Variants in KIAA1671 observed in about 807,000 individuals in gnomAD.
KIAA1671 encodes the protein KIAA1671.
A neutral mutation model predicts 131.2 loss-of-function variants in KIAA1671; 52 were observed. That is an observed-to-expected ratio of 0.40 (90% confidence interval 0.32 to 0.50). The LOEUF (loss-of-function observed/expected upper bound fraction) is 0.50. Among genes scored for constraint, KIAA1671 ranks in the 20% least tolerant of loss-of-function variants. The pLI, the probability that KIAA1671 is intolerant of heterozygous loss-of-function variation, is 0.73. For missense variants in KIAA1671, 2,360 were observed against 2,364.2 expected (o/e 1.00, Z 0.04); for synonymous variants, 1,003 against 961.6 (o/e 1.04, Z -0.80).
At chr22:25,014,762 T>C (rs1319800907) in intron 1 of KIAA1671, 1 of 152,142 alleles carries the variant, frequency 6.6e-6, no homozygotes, top group Non-Finnish European at 1.5e-5. Flanking sequence ...TCTGTCGTTA[T>C]CATGTGGAAC....
intron 6 of KIAA1671, among the ~76,000 whole-genome samples, chr22:25,123,554 A>G (rs1932045530): frequency 1.3e-5 from 2 of 151,958 alleles, no homozygotes; most frequent in South Asian, 2.1e-4. Context: ...TGGAGCTTTC[A>G]CTCTGGGGAA....
At chr22:25,149,008 G>T (rs1031931757) in intron 6 of KIAA1671, among the ~76,000 whole-genome samples, 2 of 152,084 alleles carry the variant, frequency 1.3e-5, no homozygotes, top group Non-Finnish European at 2.9e-5. Flanking sequence ...TCTTGGGCTT[G>T]GTGTCTCCTG....
chr22:25,130,083 T>A (rs1408072685), intron 6 of KIAA1671, among the ~76,000 whole-genome samples: 2 of 152,154 alleles, frequency 1.3e-5, no homozygotes, highest in Non-Finnish European at 2.9e-5. Context: ...TCTATAAAAA[T>A]TTTTTTAAAT....
At chr22:25,177,312 T>G (rs1934067488) in intron 8 of KIAA1671, 36 bp from the exon 9 acceptor site, 1 of 1,524,712 alleles carries the variant, frequency 6.6e-7, no homozygotes, top group African/African-American at 1.4e-5. Context: ...ATGGTTCCCT[T>G]GATTTTTTTC....
At chr22:25,052,728 A>ATTG in intron 6 of KIAA1671, 1 of 151,630 alleles carries the variant, frequency 6.6e-6, no homozygotes, top group Non-Finnish European at 1.5e-5. Flanking sequence ...TATTATTATT[A>ATTG]TTATTTGAGA....
rs914196557 is a variant in KIAA1671 at position 25,190,705 on chromosome 22, G to A, written c.5346G>A (p.Ser1782=). 83 of 1,551,334 alleles carry A rather than the reference G, an allele frequency of 5.4e-5. No individual in the cohort carries two copies. Among genetic ancestry groups the A allele is most frequent in the Middle Eastern group, 3.3e-4 (2 of 6,014 alleles). Residue 1782 remains serine, a synonymous_variant, in exon 12 of 13, where the codon TCG becomes TCA. Coordinates refer to ENST00000358431, the MANE Select transcript of KIAA1671 (RefSeq NM_001145206.2). ...LPSSMDKDER[S]DEPSPQWLKE... ...CTTACTGGCTTTGTGGTTTCAGGTC[G>A]GATGAACCCTCTCCCCAGTGGCTAA...
chr22:25,131,305 T>A (rs948334778), intron 6 of KIAA1671, among the ~76,000 whole-genome samples: 1 of 152,202 alleles, frequency 6.6e-6, no homozygotes, highest in African/African-American at 2.4e-5. Context: ...TCTGCAGAAC[T>A]GGAGTTTTGC....
At chr22:25,057,643 ATTTT>A (rs34386648) in intron 6 of KIAA1671, 10 of 133,658 alleles carry the variant, frequency 7.5e-5, no homozygotes, top group Non-Finnish European at 7.9e-5. Context: ...TCTGCTGGGC[ATTTT>A]TTTTTTTTTT....
intron 5 of KIAA1671, among the ~76,000 whole-genome samples, chr22:25,045,807 T>C (rs74653071): frequency 0.09 from 13,723 of 151,920 alleles, 2,045 homozygotes; most frequent in African/African-American, 0.31. Flanking sequence ...ACCAGGCTGG[T>C]TTTGAACTCC....
intron 6 of KIAA1671, among the ~76,000 whole-genome samples, chr22:25,110,403 C>T (rs1453649280): frequency 6.6e-6 from 1 of 152,188 alleles, no homozygotes; most frequent in African/African-American, 2.4e-5. Flanking sequence ...AGCCCTGACT[C>T]TGGGCCAGGT....
intron 1 of KIAA1671, among the ~76,000 whole-genome samples, chr22:24,979,170 ATTTT>A (rs71191010): frequency 2.4e-5 from 2 of 81,702 alleles, no homozygotes; most frequent in African/African-American, 5.5e-5. Context: ...TAATTTTTGT[ATTTT>A]TTTTTTTTTT....
intron 6 of KIAA1671, among the ~76,000 whole-genome samples, chr22:25,077,792 A>T (rs1415896975): frequency 1.3e-5 from 2 of 152,184 alleles, no homozygotes; most frequent in Non-Finnish European, 2.9e-5. Context: ...GAATGGAAAA[A>T]ATCTAAATGT....
intron 6 of KIAA1671, among the ~76,000 whole-genome samples, chr22:25,072,382 T>G (rs775280227): frequency 8.5e-5 from 13 of 152,278 alleles, no homozygotes; most frequent in Middle Eastern, 3.4e-3. Flanking sequence ...AGAAAGTCTT[T>G]CCTAGATGTG....
chr22:25,131,361 G>C (rs891561980), intron 6 of KIAA1671, among the ~76,000 whole-genome samples: 3 of 152,210 alleles, frequency 2.0e-5, no homozygotes, highest in Non-Finnish European at 1.5e-5. Flanking sequence ...CACGTGCCTG[G>C]TACCTCTTCA....
intron 9 of KIAA1671, among the ~76,000 whole-genome samples, chr22:25,178,861 C>T (rs913951732): frequency 6.6e-6 from 1 of 152,236 alleles, no homozygotes; most frequent in Non-Finnish European, 1.5e-5. Flanking sequence ...GTTGCCCCTC[C>T]CTCATGGGGA....
chr22:25,093,793 T>C, intron 6 of KIAA1671, among the ~76,000 whole-genome samples: 4 of 142,602 alleles, frequency 2.8e-5, no homozygotes, highest in South Asian at 4.5e-4. Flanking sequence ...TCTCTCTCTC[T>C]CTCTCTCTCT....
At chr22:25,074,633 A>G (rs1177986624) in intron 6 of KIAA1671, among the ~76,000 whole-genome samples, 4 of 152,054 alleles carry the variant, frequency 2.6e-5, no homozygotes, top group African/African-American at 9.7e-5. Context: ...GAAACATGGA[A>G]AATTCAGATG....
intron 4 of KIAA1671, among the ~76,000 whole-genome samples, chr22:25,035,987 C>T (rs937880207): frequency 6.6e-6 from 1 of 152,198 alleles, no homozygotes; most frequent in African/African-American, 2.4e-5. Flanking sequence ...GGGAAGATTG[C>T]TTGAGGCCAG....
chr22:25,121,748 C>A (rs192827764), intron 6 of KIAA1671, among the ~76,000 whole-genome samples: 2 of 152,138 alleles, frequency 1.3e-5, no homozygotes, highest in African/African-American at 2.4e-5. Context: ...ACATAAGTGA[C>A]GGCAAGCCCG....
Sources: allele counts gnomAD v4.1 joint callset (sites outside exome capture counted in the v4.1 genomes callset), GRCh38; gene constraint gnomAD v4.1.1; transcripts MANE v1.5; gene names NCBI Gene and HGNC (gene_info 2026-07-23, HGNC 2026-07-21).